KIF27: variants seen among roughly 807,000 people sequenced by gnomAD.
The protein encoded by KIF27 is kinesin-like protein KIF27.
A neutral mutation model predicts 141.8 loss-of-function variants in KIF27; 84 were observed. The observed-to-expected ratio is 0.59, with a 90% CI of 0.50 to 0.71. The LOEUF is 0.71. KIF27 is among the 30% of genes least tolerant of loss of function. The pLI is 0.00. For synonymous variants in KIF27, 471 were observed against 569.5 expected (o/e 0.83, Z 2.46); for missense variants, 1,306 against 1,628.4 (o/e 0.80, Z 3.41).
rs149370457 is a variant in KIF27, at chr9:83,838,397, C to T, written c.3722-912G>A. 8.2e-4 allele frequency among the ~76,000 whole-genome samples: 125 copies of T among 152,226 alleles called. No individual in the cohort carries two copies. The East Asian group carries it at 0.019, about 23-fold the overall frequency. On this transcript the variant is annotated intron_variant, in intron 17 of 17. Transcript: ENST00000297814. ...TACAGGCACCCGCCACCACGCCCGGCGAATTTTTTGTATTTTTAGTAGAGA... is the reference window on the plus strand; with the variant it reads ...TACAGGCACCCGCCACCACGCCCGGTGAATTTTTTGTATTTTTAGTAGAGA...
intron 13 of KIF27, among the ~76,000 whole-genome samples, chr9:83,865,016 TC>T (rs1950241002): frequency 6.6e-6 from 1 of 152,174 alleles, no homozygotes; most frequent in African/African-American, 2.4e-5. Flanking sequence ...TTTTTTGTTT[TC>T]CATTTGCTTG....
intron 1 of KIF27, among the ~76,000 whole-genome samples, chr9:83,918,801 C>T (rs1437564645): frequency 6.6e-6 from 1 of 152,052 alleles, no homozygotes; most frequent in Non-Finnish European, 1.5e-5. Context: ...ATTAGCCAGG[C>T]GCAGTGGCTC....
intron 5 of KIF27, 107 bp from the exon 6 acceptor site, chr9:83,891,608 TAC>T (rs1166958737): frequency 9.9e-7 from 1 of 1,009,538 alleles, no homozygotes; most frequent in African/African-American, 1.6e-5. Context: ...ACTTTAATAA[TAC>T]AGTCAATTCT....
intron 12 of KIF27, among the ~76,000 whole-genome samples, chr9:83,869,501 C>T (rs944740229): frequency 4.6e-5 from 7 of 151,994 alleles, no homozygotes; most frequent in Non-Finnish European, 1.0e-4. Flanking sequence ...TTTGGGAGGC[C>T]GAGGCGGGCA....
In KIF27 at chr9:83,883,835, T is replaced by A. The variant is rs774499624; in HGVS notation, c.2423A>T (p.Asp808Val). 2 of 1,611,918 alleles carry A rather than the reference T, an allele frequency of 1.2e-6. No homozygotes were observed. Among genetic ancestry groups the A allele is most frequent in the South Asian group, 2.2e-5 (2 of 91,052 alleles). Residue 808 changes from aspartate (D) to valine (V), a missense_variant, in exon 10 of 18, where the codon GAT becomes GTT. Asp to Val is a radical substitution (Grantham distance 152). Around this residue, in one of 4 missense-constraint regions of KIF27, gnomAD observed 596 missense variants for 751.6 expected, o/e 0.79. Coordinates refer to ENST00000297814, the MANE Select transcript of KIF27 (RefSeq NM_017576.4). ...TACCTGAACTCTCAGCTTTGCAGCA[T>A]CCATCTTTTTACGAAACTCTTTCTG... is the stretch of plus-strand genomic sequence containing the variant. ...KLQKEFRKKM[D>V]AAKLRVQVLQ... is the part of the protein sequence containing the mutation.
rs187445401 is a variant in KIF27, at chr9:83,836,591, T to A, written c.*410A>T. ...AAAAGCAAGATTTAGCTGGATCTTTTAAAAAAAAAATATACTTGTATTTGA... is the reference window on the plus strand; with the variant it reads ...AAAAGCAAGATTTAGCTGGATCTTTAAAAAAAAAAATATACTTGTATTTGA... On this transcript the variant is annotated 3_prime_UTR_variant, in exon 18 of 18. Transcript: ENST00000297814. 8.9e-3 allele frequency: 1,372 copies of A among 154,350 alleles called. 18 individuals carry two copies. Among genetic ancestry groups the A allele is most frequent in the African/African-American group, 0.031 (1,255 of 40,992 alleles). 9.6% of individuals were successfully genotyped at this position (154,350 alleles called of 1,614,324 possible).
chr9:83,910,748 G>T (rs1259299733), intron 2 of KIF27, among the ~76,000 whole-genome samples: 1 of 152,158 alleles, frequency 6.6e-6, no homozygotes, highest in Admixed American at 6.5e-5. Flanking sequence ...ACACAGACCG[G>T]TACCATAACA....
intron 5 of KIF27, among the ~76,000 whole-genome samples, chr9:83,898,145 C>T (rs184077246): frequency 6.6e-6 from 1 of 151,240 alleles, no homozygotes; most frequent in Non-Finnish European, 1.5e-5. Flanking sequence ...TGAAAATTCA[C>T]GAGAAAATTT....
chr9:83,842,958 G>A (rs1298469556), intron 16 of KIF27, among the ~76,000 whole-genome samples: 1 of 152,080 alleles, frequency 6.6e-6, no homozygotes, highest in Non-Finnish European at 1.5e-5. Context: ...ACTTTCATAA[G>A]AATTTTTTTG....
At chr9:83,908,090 C>T (rs137979027) in intron 3 of KIF27, among the ~76,000 whole-genome samples, 285 of 151,992 alleles carry the variant, frequency 1.9e-3, no homozygotes, top group African/African-American at 6.4e-3. Context: ...GGTGAAATCC[C>T]GTCTCTACTA....
At chr9:83,867,395 T>TATCCATCCATCCATCC (rs1275416961) in intron 13 of KIF27, among the ~76,000 whole-genome samples, 1 of 145,716 alleles carries the variant, frequency 6.9e-6, no homozygotes, top group Non-Finnish European at 1.6e-5. Flanking sequence ...TCTATCTATC[T>TATCCATCCATCCATCC]ATCCATCCAT....
chr9:83,854,310 T>C (rs1948944294), intron 14 of KIF27, among the ~76,000 whole-genome samples: 2 of 152,228 alleles, frequency 1.3e-5, no homozygotes, highest in Non-Finnish European at 2.9e-5. Flanking sequence ...CAGTGATCTA[T>C]CAAAACAATA....
rs781444332 is a variant in KIF27 at position 83,887,040 on chromosome 9, C to T, written c.2239+1G>A. 62 of 1,572,118 alleles carry T rather than the reference C, an allele frequency of 3.9e-5. No homozygotes were observed. The highest frequency in any genetic ancestry group is 2.6e-6 in the Non-Finnish European group (3 of 1,166,920). ...TAAGCTGGTTCACAAGATACTATTA[C>T]CTGTTTTTATTAATTCTTTAATCAG... On this transcript the variant is annotated splice_donor_variant, in intron 9 of 17. Transcript: ENST00000297814. LOFTEE classifies it high-confidence loss of function.
In KIF27 at chr9:83,904,006, G is replaced by A; in HGVS notation, c.512C>T (p.Ala171Val). ...TGCACTCTCCACATGGCATTCCTTG[G>A]CCCCAACAATCACTTAAAATAGTAA... ...DEKGNTVIVG[A>V]KECHVESAGE... Residue 171 changes from alanine (A) to valine (V), a missense_variant, in exon 4 of 18, where the codon GCC (alanine) becomes GTC (valine). Ala to Val is a moderately conservative substitution (Grantham distance 64). Transcript: ENST00000297814. The A allele has an allele frequency of 6.3e-7, 1 of 1,598,818 alleles. No homozygotes were observed.
chr9:83,878,161 CAAAAAAAA>C lies in KIF27; in HGVS notation c.2643+2128_2643+2135del, dbSNP rs58897060. On this transcript the variant is annotated intron_variant, in intron 11 of 17. Coordinates refer to ENST00000297814, the MANE Select transcript of KIF27 (RefSeq NM_017576.4). ...CCTGGGCAACAGAGAGACTCTGTCTCAAAAAAAAAAAAAAAAAAAAAAAAAAAAGAGAT... is the reference window on the plus strand; with the variant it reads ...CCTGGGCAACAGAGAGACTCTGTCTCAAAAAAAAAAAAAAAAAAAAGAGAT... Among the ~76,000 whole-genome samples, 36 of 38,472 alleles carry C rather than the reference CAAAAAAAA, an allele frequency of 9.4e-4. 1 individual carries two copies. The highest frequency in any genetic ancestry group is 0.021 in the Middle Eastern group (1 of 48). 25.2% of individuals were successfully genotyped at this position (38,472 alleles called of 152,430 possible).
In KIF27 at chr9:83,842,152, T is replaced by C. The variant is rs1476919753; in HGVS notation, c.3721+85A>G. On this transcript the variant is annotated intron_variant, in intron 17 of 17. Transcript: ENST00000297814. ...TCTAATCCTAAATAACCCAGTCAATTGGTAAAGGCTACACTACAAAGCTGG... is the reference window on the plus strand; with the variant it reads ...TCTAATCCTAAATAACCCAGTCAATCGGTAAAGGCTACACTACAAAGCTGG... 12 of 1,357,334 alleles carry C rather than the reference T, an allele frequency of 8.8e-6. No individual in the cohort carries two copies. In the Admixed American group the frequency reaches 1.4e-4, roughly 16 times the overall value. 84.1% of individuals were successfully genotyped at this position (1,357,334 alleles called of 1,614,324 possible). A position where few individuals can be genotyped will look rare whatever the true frequency, so the allele number is the denominator to read the frequency against.
In KIF27 at chr9:83,859,163, G is replaced by T. The variant is rs759576962; in HGVS notation, c.3143C>A (p.Ser1048Ter). Reference protein sequence around the residue: ...DEKLKNGRVLSPEEEHVLFQL... With the variant: ...DEKLKNGRVL ...CAAAGAATACTGACTTACTTCAGGTGATAACACTCTACCATTTTTAAGTTT... is the reference window on the plus strand; with the variant it reads ...CAAAGAATACTGACTTACTTCAGGTTATAACACTCTACCATTTTTAAGTTT... Residue 1048 changes from serine (S) to a stop codon, truncating the protein, a stop_gained, in exon 14 of 18, where the codon TCA (serine) becomes TAA (stop). Transcript: ENST00000297814. LOFTEE classifies it high-confidence loss of function. 1.2e-6 allele frequency: 2 copies of T among 1,608,132 alleles called. No individual in the cohort carries two copies. Among genetic ancestry groups the T allele is most frequent in the African/African-American group, 1.3e-5 (1 of 74,940 alleles).
chr9:83,888,438 A>G (rs753901486), intron 8 of KIF27, 51 bp downstream of exon 8: 5 of 774,714 alleles, frequency 6.5e-6, no homozygotes, highest in East Asian at 2.9e-5. Context: ...GAGGAAAAAG[A>G]TAAGTGTCCT....
Position 83,880,388 on chromosome 9 carries a change from T to C in KIF27, c.2552A>G (p.Gln851Arg), listed in dbSNP as rs1327319732. 1.2e-6 allele frequency: 2 copies of C among 1,604,280 alleles called. No individual in the cohort carries two copies. The highest frequency in any genetic ancestry group is 2.7e-5 in the African/African-American group (2 of 72,902). Residue 851 changes from glutamine (Q) to arginine (R), a missense_variant, in exon 11 of 18, where the codon CAA becomes CGA. Physicochemically the swap from Gln to Arg is conservative, Grantham distance 43. This residue lies in a region of KIF27 where 596 missense variants were observed against 751.6 expected (regional missense o/e 0.79). Coordinates refer to ENST00000297814, the MANE Select transcript of KIF27 (RefSeq NM_017576.4). ...TAGTTTTCTTTGTAGCTGTATCTTT[T>C]GATATTTCATGTGATCTACACTCTG... ...LEQSVDHMKY[Q>R]KIQLQRKLRE...
Sources: allele counts gnomAD v4.1 joint callset (sites outside exome capture counted in the v4.1 genomes callset), GRCh38; gene constraint gnomAD v4.1.1; regional missense constraint gnomAD v4.1.1; transcripts MANE v1.5; gene names NCBI Gene and HGNC (gene_info 2026-07-23, HGNC 2026-07-21).